The following KIAA0753 variants were observed in gnomAD, a reference collection of about 807,000 sequenced individuals.
The protein encoded by KIAA0753 is protein moonraker.
In KIAA0753, 114 loss-of-function variants were observed where a neutral mutation model predicts 116.9. That is an observed-to-expected ratio of 0.98 (90% CI 0.84 to 1.14). The LOEUF (loss-of-function observed/expected upper bound fraction) is 1.14, where lower values mean the gene tolerates loss of function less well. KIAA0753 is among the 50% of genes most tolerant of loss of function. The pLI is 0.00. For missense variants in KIAA0753, 1,156 were observed against 1,172.4 expected (o/e 0.99, Z 0.20); for synonymous variants, 405 against 413.1 (o/e 0.98, Z 0.24).
At chr17:6,624,989 T>G in intron 3 of KIAA0753, 128 bp from the exon 4 acceptor site, 3 of 639,996 alleles carry the variant, frequency 4.7e-6, no homozygotes, top group Non-Finnish European at 8.0e-6. Flanking sequence ...AAAATGAGGC[T>G]ATCATAACAG....
chr17:6,607,227 G>T lies in KIAA0753; in HGVS notation c.1873C>A (p.Leu625Ile). Residue 625 changes from leucine to isoleucine, a missense_variant, in exon 11 of 19, where the codon CTA becomes ATA. Physicochemically the swap from Leu to Ile is conservative, Grantham distance 5. Coordinates refer to ENST00000361413, the MANE Select transcript of KIAA0753 (RefSeq NM_014804.3). ...DAETSKRLKE[L>I]EELKAKEIDS... ...ATTTCCTTGGCTTTTAACTCTTCTA[G>T]TTCCTTCAATCTTTTGGAAGTTTCA... The T allele has an allele frequency of 1.9e-6, 3 of 1,614,014 alleles. No homozygotes were observed. Among genetic ancestry groups the T allele is most frequent in the Non-Finnish European group, 1.7e-6 (2 of 1,179,972 alleles).
chr17:6,598,123 C>CT (rs1219103276), intron 14 of KIAA0753, among the ~76,000 whole-genome samples: 1 of 152,212 alleles, frequency 6.6e-6, no homozygotes, highest in Non-Finnish European at 1.5e-5. Flanking sequence ...TCAAACATGT[C>CT]TATTTCACTG....
At chr17:6,618,966 T>A (rs1164248208) in intron 7 of KIAA0753, among the ~76,000 whole-genome samples, 1 of 152,140 alleles carries the variant, frequency 6.6e-6, no homozygotes, top group African/African-American at 2.4e-5. Flanking sequence ...CTGTGGCTCA[T>A]GCCTGTAATC....
At chr17:6,593,911 G>A (rs1034837886) in intron 16 of KIAA0753, among the ~76,000 whole-genome samples, 19 of 152,090 alleles carry the variant, frequency 1.2e-4, no homozygotes, top group African/African-American at 4.6e-4. Context: ...CACTTGAAAA[G>A]GTTCTAAATA....
intron 2 of KIAA0753, among the ~76,000 whole-genome samples, chr17:6,631,404 C>G (rs1972013642): frequency 6.6e-6 from 1 of 152,196 alleles, no homozygotes; most frequent in African/African-American, 2.4e-5. Context: ...CATTCCAGAA[C>G]TGAGCAAAAA....
intron 14 of KIAA0753, among the ~76,000 whole-genome samples, chr17:6,596,688 G>A (rs1015462416): frequency 3.9e-5 from 6 of 152,142 alleles, no homozygotes; most frequent in Admixed American, 6.5e-5. Flanking sequence ...TATTTTACAC[G>A]TCACACATTC....
Position 6,593,651 on chromosome 17 carries a change from G to T in KIAA0753, c.2440+1321C>A, listed in dbSNP as rs187357862. Among the ~76,000 whole-genome samples the T allele has an allele frequency of 1.5e-3, 226 of 152,374 alleles. 1 individual carries two copies. The highest frequency in any genetic ancestry group is 5.4e-3 in the African/African-American group (223 of 41,594). ...ACCTGGAATCCCAGCACTGTGGGAG[G>T]CCGAGGTGGGTGTGTCACCTGAAGG... On this transcript the variant is annotated intron_variant, in intron 16 of 18. Coordinates refer to ENST00000361413, the MANE Select transcript of KIAA0753 (RefSeq NM_014804.3).
chr17:6,585,794 C>T (rs1383530935), intron 18 of KIAA0753, among the ~76,000 whole-genome samples: 1 of 152,160 alleles, frequency 6.6e-6, no homozygotes, highest in African/African-American at 2.4e-5. Context: ...ATTCTTCTCA[C>T]TGTATTGTCT....
At position 6,595,033 on chromosome 17, in the gene KIAA0753, A is replaced by G; in HGVS notation, c.2379T>C (p.Arg793=). The G allele has an allele frequency of 6.2e-7, 1 of 1,609,934 alleles. No individual in the cohort carries two copies. Among genetic ancestry groups the G allele is most frequent in the Non-Finnish European group, 8.5e-7 (1 of 1,177,110 alleles). ...CATATGCGATTTTATTATATCTTTG[A>G]CGAACAGACTCCTGGTATTTCTTTA... is the stretch of plus-strand genomic sequence containing the variant. ...EEMEKYQESV[R]QRYNKIAYAD... is the part of the protein sequence containing the mutation. Residue 793 remains arginine (R), a synonymous_variant, in exon 16 of 19, where the codon CGT becomes CGC. Transcript: ENST00000361413.
intron 2 of KIAA0753, among the ~76,000 whole-genome samples, chr17:6,631,350 C>G (rs760485984): frequency 6.6e-6 from 1 of 152,190 alleles, no homozygotes; most frequent in Non-Finnish European, 1.5e-5. Context: ...CAGGCTTCTT[C>G]TTGAGCAGAG....
In KIAA0753 at chr17:6,635,035, G is replaced by A. The variant is rs2301873; in HGVS notation, c.69C>T (p.Ser23=). 663,887 of 1,606,640 alleles carry A rather than the reference G, an allele frequency of 0.41. 140,203 individuals are homozygous for A. Among genetic ancestry groups the A allele is most frequent in the Non-Finnish European group, 0.43 (507,488 of 1,173,552 alleles). Reference sequence around the variant, plus strand: ...CCTGGGTCTGAAGTACTTTGGGGTCGCTCCTCCCATCAAGTTGGGTCCTAG... The same window carrying A: ...CCTGGGTCTGAAGTACTTTGGGGTCACTCCTCCCATCAAGTTGGGTCCTAG... ...LAPRTQLDGR[S]DPKVLQTQNQ... Residue 23 remains serine (S), a synonymous_variant, in exon 2 of 19, where the codon AGC becomes AGT. Transcript: ENST00000361413.
chr17:6,628,771 A>G, intron 2 of KIAA0753, 30 bp from the exon 3 acceptor site: 1 of 1,546,884 alleles, frequency 6.5e-7, no homozygotes, highest in Non-Finnish European at 8.7e-7. Context: ...GTAAGCAGAC[A>G]TCAGAAAAAT....
chr17:6,621,597 T>C (rs543554447), intron 6 of KIAA0753, among the ~76,000 whole-genome samples: 30 of 152,268 alleles, frequency 2.0e-4, no homozygotes, highest in Non-Finnish European at 3.5e-4. Context: ...AACAGTAATA[T>C]AGTAAGAAAA....
intron 16 of KIAA0753, among the ~76,000 whole-genome samples, chr17:6,591,453 C>G (rs897715230): frequency 6.6e-6 from 1 of 152,172 alleles, no homozygotes; most frequent in Non-Finnish European, 1.5e-5. Context: ...GGATAACAGA[C>G]ACAGATACTG....
Position 6,610,098 on chromosome 17 carries a change from C to G in KIAA0753, c.1608G>C (p.Gln536His). Reference protein sequence around the residue: ...SQPHSKSRVQQTTVSSRLKMN... With the variant: ...SQPHSKSRVQHTTVSSRLKMN... ...TTTTTAATCTGGATGAAACTGTTGT[C>G]TGCTGCACTCTGCTTTTACTGTGAG... Residue 536 changes from glutamine to histidine, a missense_variant, in exon 9 of 19, where the codon CAG becomes CAC. By Grantham distance (24) the Gln-to-His change is conservative (BLOSUM62 0). Transcript: ENST00000361413. 6.2e-7 allele frequency: 1 copy of G among 1,614,116 alleles called. No homozygotes were observed. Among genetic ancestry groups the G allele is most frequent in the Non-Finnish European group, 8.5e-7 (1 of 1,180,014 alleles).
chr17:6,599,417 T>C (rs1567550473), intron 13 of KIAA0753, 97 bp from the exon 14 acceptor site: 1 of 829,092 alleles, frequency 1.2e-6, no homozygotes, highest in East Asian at 2.7e-5. Context: ...TGTGGAACTA[T>C]TCATCAGCTT....
At chr17:6,585,698 T>C (rs1045675725) in intron 18 of KIAA0753, among the ~76,000 whole-genome samples, 85 of 152,220 alleles carry the variant, frequency 5.6e-4, no homozygotes, top group Non-Finnish European at 4.1e-4. Flanking sequence ...AAGTTCCTTT[T>C]TTATAGTATC....
intron 5 of KIAA0753, 117 bp downstream of exon 5, chr17:6,623,392 C>T (rs1029771767): frequency 2.4e-6 from 2 of 817,344 alleles, no homozygotes; most frequent in South Asian, 3.6e-5. Flanking sequence ...CCCTCACTAA[C>T]AGGTTTCTGC....
chr17:6,606,124 A>C (rs574856875), intron 12 of KIAA0753, among the ~76,000 whole-genome samples: 4 of 152,334 alleles, frequency 2.6e-5, no homozygotes, highest in African/African-American at 9.6e-5. Flanking sequence ...AGGAGCCAAA[A>C]GCCTCAGTTG....
Sources: allele counts gnomAD v4.1 joint callset (sites outside exome capture counted in the v4.1 genomes callset), GRCh38; gene constraint gnomAD v4.1.1; transcripts MANE v1.5; gene names NCBI Gene and HGNC (gene_info 2026-07-23, HGNC 2026-07-21).